The following ST6GALNAC3 variants were observed in gnomAD, a reference collection of about 807,000 sequenced individuals.
ST6GALNAC3 encodes the protein alpha-N-acetylgalactosaminide alpha-2,6-sialyltransferase 3.
A neutral mutation model predicts 32.7 loss-of-function variants in ST6GALNAC3; 25 were observed. The observed-to-expected ratio is 0.76, with a 90% confidence interval of 0.56 to 1.07. The LOEUF (loss-of-function observed/expected upper bound fraction) is 1.07, where lower values mean the gene tolerates loss of function less well. Ranked by LOEUF, ST6GALNAC3 falls within the 50% of genes least tolerant of loss-of-function variation. The pLI is 0.00. For synonymous variants in ST6GALNAC3, 129 were observed against 133.1 expected (o/e 0.97, Z 0.21); for missense variants, 355 against 382.4 (o/e 0.93, Z 0.60).
At chr1:76,515,029 A>G (rs12745204) in intron 3 of ST6GALNAC3, among the ~76,000 whole-genome samples, 15,325 of 152,162 alleles carry the variant, frequency 0.1, 952 homozygotes, top group East Asian at 0.22. Flanking sequence ...GCTGCCTCAT[A>G]AAATTAGTTT....
chr1:76,313,581 A>G (rs1332972199), intron 1 of ST6GALNAC3: 10 of 653,658 alleles, frequency 1.5e-5, no homozygotes, highest in Non-Finnish European at 2.8e-5. Flanking sequence ...TGGAGATGCA[A>G]TGGAAGAGTT....
intron 1 of ST6GALNAC3, among the ~76,000 whole-genome samples, chr1:76,214,217 C>T (rs183107143): frequency 6.0e-4 from 91 of 152,172 alleles, no homozygotes; most frequent in African/African-American, 2.1e-3. Flanking sequence ...GTCACACTAG[C>T]CACATTTCAA....
At chr1:76,186,389 A>G (rs1351790362) in intron 1 of ST6GALNAC3, among the ~76,000 whole-genome samples, 1 of 152,212 alleles carries the variant, frequency 6.6e-6, no homozygotes, top group Non-Finnish European at 1.5e-5. Flanking sequence ...ATTAACGTGT[A>G]TGAGACCCCC....
chr1:76,314,941 G>T (rs1646837111), intron 2 of ST6GALNAC3, among the ~76,000 whole-genome samples: 1 of 152,082 alleles, frequency 6.6e-6, no homozygotes, highest in African/African-American at 2.4e-5. Context: ...GTTATTCTTA[G>T]CATTCTGGGA....
intron 2 of ST6GALNAC3, among the ~76,000 whole-genome samples, chr1:76,390,662 T>C (rs972036012): frequency 1.3e-5 from 2 of 152,142 alleles, no homozygotes; most frequent in Non-Finnish European, 2.9e-5. Flanking sequence ...GCTCAGAGCT[T>C]GCCAGCCCCA....
intron 3 of ST6GALNAC3, among the ~76,000 whole-genome samples, chr1:76,588,620 G>A (rs891081895): frequency 2.0e-5 from 3 of 152,126 alleles, no homozygotes; most frequent in African/African-American, 7.2e-5. Flanking sequence ...CCATTTGGGG[G>A]CTCCCTTGAC....
intron 3 of ST6GALNAC3, among the ~76,000 whole-genome samples, chr1:76,471,161 A>G (rs1028417764): frequency 6.6e-6 from 1 of 152,136 alleles, no homozygotes; most frequent in Non-Finnish European, 1.5e-5. Flanking sequence ...GTGACTGATT[A>G]CATATCCTTG....
intron 3 of ST6GALNAC3, chr1:76,412,959 C>A (rs778505442): frequency 5.9e-6 from 2 of 340,796 alleles, no homozygotes; most frequent in African/African-American, 2.2e-5. Context: ...TGAAATTATA[C>A]GTCCCTTAAA....
At chr1:76,080,160 G>T (rs969111485) in intron 1 of ST6GALNAC3, among the ~76,000 whole-genome samples, 8 of 152,200 alleles carry the variant, frequency 5.3e-5, no homozygotes, top group Non-Finnish European at 1.0e-4. Flanking sequence ...TATATGGGTG[G>T]GGTGTTGACG....
chr1:76,502,918 A>C (rs551519708), intron 3 of ST6GALNAC3, among the ~76,000 whole-genome samples: 2 of 152,340 alleles, frequency 1.3e-5, no homozygotes, highest in South Asian at 2.1e-4. Context: ...CAATACTAAA[A>C]TATTTCTAAT....
chr1:76,271,845 T>C (rs1189232328), intron 1 of ST6GALNAC3, among the ~76,000 whole-genome samples: 1 of 152,068 alleles, frequency 6.6e-6, no homozygotes, highest in Non-Finnish European at 1.5e-5. Flanking sequence ...GAGAAGAGGT[T>C]AGATTTGGGA....
intron 1 of ST6GALNAC3, among the ~76,000 whole-genome samples, chr1:76,193,616 G>A (rs1340714426): frequency 2.0e-5 from 3 of 152,116 alleles, no homozygotes; most frequent in African/African-American, 7.2e-5. Flanking sequence ...TAATACTAGT[G>A]GAGAATATTT....
At chr1:76,441,940 A>T (rs1294540440) in intron 3 of ST6GALNAC3, among the ~76,000 whole-genome samples, 1 of 152,208 alleles carries the variant, frequency 6.6e-6, no homozygotes, top group Non-Finnish European at 1.5e-5. Flanking sequence ...ATTTCTCTAA[A>T]CAATGAGTAG....
intron 1 of ST6GALNAC3, among the ~76,000 whole-genome samples, chr1:76,247,622 CA>C (rs1474703050): frequency 1.5e-4 from 23 of 152,100 alleles, no homozygotes; most frequent in African/African-American, 5.3e-4. Flanking sequence ...TTAGCACTGT[CA>C]GGGGAAGACA....
At chr1:76,120,324 C>G (rs1648789321) in intron 1 of ST6GALNAC3, among the ~76,000 whole-genome samples, 1 of 152,166 alleles carries the variant, frequency 6.6e-6, no homozygotes, top group Non-Finnish European at 1.5e-5. Context: ...TGGCCACATA[C>G]TGCCCTAAGT....
intron 3 of ST6GALNAC3, among the ~76,000 whole-genome samples, chr1:76,452,560 G>GT (rs60431967): frequency 0.018 from 2,776 of 152,168 alleles, 77 homozygotes; most frequent in African/African-American, 0.064. Context: ...TTTTAATTCT[G>GT]TTTTTGTGGT....
intron 3 of ST6GALNAC3, among the ~76,000 whole-genome samples, chr1:76,512,324 A>G (rs1483823406): frequency 6.6e-6 from 1 of 152,206 alleles, no homozygotes; most frequent in Admixed American, 6.5e-5. Flanking sequence ...GCATGTATGC[A>G]TCCATGCATA....
intron 3 of ST6GALNAC3, among the ~76,000 whole-genome samples, chr1:76,584,871 G>A (rs1421468036): frequency 1.3e-5 from 2 of 152,200 alleles, no homozygotes; most frequent in East Asian, 1.9e-4. Flanking sequence ...CTTCCCAGCA[G>A]AAAATTTCAG....
At chr1:76,188,370 A>T (rs1045913286) in intron 1 of ST6GALNAC3, among the ~76,000 whole-genome samples, 5 of 152,196 alleles carry the variant, frequency 3.3e-5, no homozygotes, top group Non-Finnish European at 7.3e-5. Context: ...TCAAAAAAAA[A>T]CATCTGTATG....
Sources: allele counts gnomAD v4.1 joint callset (sites outside exome capture counted in the v4.1 genomes callset), GRCh38; gene constraint gnomAD v4.1.1; transcripts MANE v1.5; gene names NCBI Gene and HGNC (gene_info 2026-07-23, HGNC 2026-07-21).